Variants in TYW1 observed in about 807,000 individuals in gnomAD.
The protein encoded by TYW1 is S-adenosyl-L-methionine-dependent tRNA 4-demethylwyosine synthase TYW1.
A neutral mutation model predicts 96.2 loss-of-function variants in TYW1; 46 were observed. That is an observed-to-expected ratio of 0.48 (90% CI 0.38 to 0.61). TYW1 has a LOEUF of 0.61. Among genes scored for constraint, TYW1 ranks in the 20% least tolerant of loss-of-function variants. The pLI is 0.00. For missense variants in TYW1, 684 were observed against 909.6 expected (o/e 0.75, Z 3.19); for synonymous variants, 274 against 323.0 (o/e 0.85, Z 1.63).
rs748127071 is a variant in TYW1 at position 67,055,902 on chromosome 7, T to C, written c.1155+15T>C. 12 of 1,609,908 alleles carry C rather than the reference T, an allele frequency of 7.5e-6. No homozygotes were observed. In the East Asian group the frequency reaches 2.7e-4, roughly 36 times the overall value. The stretch of plus-strand genomic sequence containing the variant: ...GGTGGACAAAGGTATTTTTTTTGTT[T>C]TTATTCAATATGTCTATTACATGCA... On this transcript the variant is annotated intron_variant, in intron 9 of 15. Coordinates refer to ENST00000359626, the MANE Select transcript of TYW1 (RefSeq NM_018264.4).
chr7:67,020,645 C>A (rs1003530365), intron 6 of TYW1, among the ~76,000 whole-genome samples: 1 of 152,278 alleles, frequency 6.6e-6, no homozygotes, highest in Non-Finnish European at 1.5e-5. Context: ...GACCTTAGCA[C>A]CTAATCTGAC....
At chr7:67,035,977 G>A (rs7781513) in intron 7 of TYW1, among the ~76,000 whole-genome samples, 10 of 145,598 alleles carry the variant, frequency 6.9e-5, no homozygotes, top group African/African-American at 9.8e-5. Context: ...GTGCCCGGCC[G>A]GTTCTATTGT....
rs183855359 is a variant in TYW1 at position 67,159,652 on chromosome 7, A to G, written c.1699-23474A>G. 4.9e-3 allele frequency among the ~76,000 whole-genome samples: 750 copies of G among 152,150 alleles called. 8 individuals are homozygous for G. The highest frequency in any genetic ancestry group is 0.017 in the African/African-American group (696 of 41,526). ...CCTCCAAAGGTAGCCACTATTCCCA[A>G]TCATTCAATATAGTCTTTTATTTTG... On this transcript the variant is annotated intron_variant, in intron 13 of 15. Transcript: ENST00000359626.
chr7:67,118,626 A>G (rs1462034646), intron 13 of TYW1, among the ~76,000 whole-genome samples: 1 of 151,862 alleles, frequency 6.6e-6, no homozygotes, highest in Admixed American at 6.6e-5. Flanking sequence ...CAGGTGTGGT[A>G]GCTCACACCT....
chr7:67,073,633 G>T (rs1796106273), intron 10 of TYW1, among the ~76,000 whole-genome samples: 1 of 151,614 alleles, frequency 6.6e-6, no homozygotes, highest in African/African-American at 2.4e-5. Context: ...AATTAGCTGG[G>T]CGTGGTGGCA....
At chr7:67,182,369 C>T (rs1218078715) in intron 13 of TYW1, among the ~76,000 whole-genome samples, 1 of 152,070 alleles carries the variant, frequency 6.6e-6, no homozygotes, top group Non-Finnish European at 1.5e-5. Context: ...TCGAGACCAG[C>T]CTGAATAACA....
intron 9 of TYW1, among the ~76,000 whole-genome samples, chr7:67,058,811 G>C (rs1375505907): frequency 6.6e-6 from 1 of 151,966 alleles, no homozygotes; most frequent in Non-Finnish European, 1.5e-5. Flanking sequence ...TTGGGCCTGT[G>C]ATTCGTCTTG....
chr7:67,128,690 G>GTTT (rs59475781), intron 13 of TYW1, among the ~76,000 whole-genome samples: 7 of 137,026 alleles, frequency 5.1e-5, no homozygotes, highest in Non-Finnish European at 9.5e-5. Flanking sequence ...AGGTCTCAGT[G>GTTT]TTTTTTTTTT....
chr7:67,128,971 G>C (rs1797985374), intron 13 of TYW1, among the ~76,000 whole-genome samples: 1 of 152,138 alleles, frequency 6.6e-6, no homozygotes, highest in Non-Finnish European at 1.5e-5. Context: ...TTACAGGTGT[G>C]AGCCACCGCG....
At chr7:67,193,211 C>T (rs142191888) in intron 14 of TYW1, among the ~76,000 whole-genome samples, 1 of 152,282 alleles carries the variant, frequency 6.6e-6, no homozygotes, top group East Asian at 1.9e-4. Flanking sequence ...CTCTGTAGGG[C>T]ACAGTTTCAG....
chr7:67,148,389 G>T (rs1798675237), intron 13 of TYW1, among the ~76,000 whole-genome samples: 1 of 148,890 alleles, frequency 6.7e-6, no homozygotes, highest in Non-Finnish European at 1.5e-5. Context: ...CTCCAAGTTG[G>T]AACTAAGGTC....
chr7:67,155,623 A>G lies in TYW1; in HGVS notation c.1699-27503A>G, dbSNP rs566341907. On this transcript the variant is annotated intron_variant, in intron 13 of 15. Coordinates refer to ENST00000359626, the MANE Select transcript of TYW1 (RefSeq NM_018264.4). ...GCTGGAGTGCAGTGGCGCGATCTCA[A>G]TATCAGCTCACTGCAGACTCCACCT... Among the ~76,000 whole-genome samples the G allele has an allele frequency of 3.3e-5, 5 of 151,980 alleles. No individual in the cohort carries two copies. The South Asian group carries it at 8.3e-4, about 25-fold the overall frequency.
chr7:67,006,102 A>C (rs1793576096), intron 3 of TYW1, among the ~76,000 whole-genome samples: 1 of 152,148 alleles, frequency 6.6e-6, no homozygotes, highest in South Asian at 2.1e-4. Context: ...GTCGGATCGT[A>C]GTCCCATTGT....
chr7:67,029,942 G>T (rs995159341), intron 7 of TYW1, among the ~76,000 whole-genome samples: 1 of 152,044 alleles, frequency 6.6e-6, no homozygotes, highest in Non-Finnish European at 1.5e-5. Flanking sequence ...TATTATAAAG[G>T]CCACAGATCA....
chr7:67,139,566 C>A (rs905287926), intron 13 of TYW1, among the ~76,000 whole-genome samples: 11 of 152,112 alleles, frequency 7.2e-5, no homozygotes, highest in African/African-American at 2.4e-4. Flanking sequence ...TCCTGCAGTT[C>A]ACCCTGCAGA....
chr7:67,186,288 C>CA lies in TYW1; in HGVS notation c.1809+3052_1809+3053insA, dbSNP rs150959793. Among the ~76,000 whole-genome samples, 2 of 103,190 alleles carry CA rather than the reference C, an allele frequency of 1.9e-5. 1 individual carries two copies. The highest frequency in any genetic ancestry group is 7.9e-5 in the African/African-American group (2 of 25,332). The allele number at this position is 103,190 out of a possible 152,430, so 67.7% of individuals were successfully genotyped here. ...CTTCCCCCCCGCCCCACCTCTCCCC[C>CA]CTCCTTTCTTACTTTCGCAGTCATG... On this transcript the variant is annotated intron_variant, in intron 14 of 15. Transcript: ENST00000359626.
At chr7:67,136,824 C>G (rs1299175344) in intron 13 of TYW1, among the ~76,000 whole-genome samples, 7 of 151,756 alleles carry the variant, frequency 4.6e-5, no homozygotes, top group Non-Finnish European at 1.5e-5. Flanking sequence ...TTCCTGTTTT[C>G]TTTTTTTTCT....
chr7:67,041,566 C>CT (rs1263401695), intron 7 of TYW1, among the ~76,000 whole-genome samples: 2 of 152,196 alleles, frequency 1.3e-5, no homozygotes, highest in Non-Finnish European at 2.9e-5. Flanking sequence ...TCTCGAAGTG[C>CT]TGGGATTACA....
At chr7:67,135,836 T>C (rs1412854960) in intron 13 of TYW1, among the ~76,000 whole-genome samples, 7 of 152,188 alleles carry the variant, frequency 4.6e-5, no homozygotes, top group Admixed American at 4.6e-4. Flanking sequence ...TTGTGTTTCA[T>C]TATTGAACTA....
Sources: gnomAD v4.1 joint callset for allele counts (sites outside exome capture counted in the v4.1 genomes callset) on GRCh38, gnomAD v4.1.1 for gene constraint, MANE v1.5 for transcripts, NCBI Gene and HGNC (gene_info 2026-07-23, HGNC 2026-07-21) for gene names.